KPNA7: variants seen among roughly 807,000 people sequenced by gnomAD.
KPNA7 encodes the protein karyopherin subunit alpha 7, also known as importin subunit alpha-8.
KPNA7 carries 54 observed loss-of-function variants against 53.7 expected under a neutral mutation model. The ratio of observed to expected loss-of-function variants is 1.01; its 90% confidence interval spans 0.81 to 1.26. KPNA7 has a LOEUF of 1.26. KPNA7 is among the 50% of genes most tolerant of loss of function. KPNA7 has a pLI of 0.00. For missense variants in KPNA7, 640 were observed against 644.5 expected, an observed-to-expected ratio of 0.99 and a Z score of 0.07; for synonymous variants, 276 against 259.3, an observed-to-expected ratio of 1.06 and a Z score of -0.62.
At chr7:99,206,320 A>C (rs770842198) in intron 2 of KPNA7, among the ~76,000 whole-genome samples, 1 of 151,774 alleles carries the variant, frequency 6.6e-6, no homozygotes, top group Non-Finnish European at 1.5e-5. Context: ...GCCACCATGC[A>C]CATCTAATTT....
intron 1 of KPNA7, among the ~76,000 whole-genome samples, chr7:99,213,285 C>T (rs1791122848): frequency 6.6e-6 from 1 of 151,678 alleles, no homozygotes; most frequent in South Asian, 2.1e-4. Context: ...CACCACCACA[C>T]CCCCCAGCTA....
chr7:99,213,016 T>C (rs1791116293), upstream of KPNA7, among the ~76,000 whole-genome samples: 2 of 152,032 alleles, frequency 1.3e-5, no homozygotes, highest in Admixed American at 1.3e-4. Context: ...GAACCAAAAT[T>C]TGGGTTTAAA....
At position 99,195,211 on chromosome 7, in the gene KPNA7, G is replaced by C; in HGVS notation, c.412C>G (p.Leu138Val). The change falls in exon 5 of 11, where the codon CTG becomes GTG. Residue 138 changes from leucine (L) to valine (V), a missense_variant. Physicochemically the swap from Leu to Val is conservative, Grantham distance 32. Transcript: ENST00000327442. ...PCLQFEAAWA[L>V]TNIASGTSEQ... is the part of the protein sequence containing the mutation. Reference sequence around the variant, plus strand: ...GAAGTCCCTGAAGCGATGTTGGTCAGGGCCCAGGCAGCCTCAAACTGCAAG... The same window carrying C: ...GAAGTCCCTGAAGCGATGTTGGTCACGGCCCAGGCAGCCTCAAACTGCAAG... 6.4e-7 allele frequency: 1 copy of C among 1,551,642 alleles called. No homozygotes were observed. Among genetic ancestry groups the C allele is most frequent in the Non-Finnish European group, 8.7e-7 (1 of 1,147,004 alleles).
intron 2 of KPNA7, 99 bp downstream of exon 2, chr7:99,207,302 G>C: frequency 1.1e-6 from 1 of 944,470 alleles, no homozygotes; most frequent in Non-Finnish European, 1.7e-6. Flanking sequence ...CAAAGTGTTG[G>C]GATTACAGGC....
In KPNA7 at chr7:99,181,956, A is replaced by G. The variant is rs1290566184; in HGVS notation, c.1244T>C (p.Leu415Pro). ...ATCTGGGGCAGTGAGCAGATTCACC[A>G]GTGGCTCCAGGACCCCAGAGTGGAC... ...QLVHSGVLEP[L>P]VNLLTAPDVK... The change falls in exon 9 of 11, where the codon CTG (leucine) becomes CCG (proline). Residue 415 changes from leucine to proline, a missense_variant. Transcript: ENST00000327442. 56 of 1,551,424 alleles carry G rather than the reference A, an allele frequency of 3.6e-5. No homozygotes were observed. The highest frequency in any genetic ancestry group is 5.2e-6 in the Non-Finnish European group (6 of 1,146,838).
chr7:99,164,443 A>C, the KPNA7 span, among the ~76,000 whole-genome samples: 1 of 152,056 alleles, frequency 6.6e-6, no homozygotes, highest in Non-Finnish European at 1.5e-5. Flanking sequence ...AACAATGAGA[A>C]CACATGGACA....
chr7:99,203,413 T>G (rs962019044), intron 2 of KPNA7, among the ~76,000 whole-genome samples, 173 bp from the exon 3 acceptor site: 3 of 152,214 alleles, frequency 2.0e-5, no homozygotes, highest in African/African-American at 7.2e-5. Context: ...CTCTTCTGTT[T>G]TCTGCTATAC....
At chr7:99,187,413 C>A (rs557911979) in intron 7 of KPNA7, among the ~76,000 whole-genome samples, 1 of 151,544 alleles carries the variant, frequency 6.6e-6, no homozygotes, top group East Asian at 1.9e-4. Flanking sequence ...TTTTTTTAAT[C>A]CCCAGTCTCA....
At chr7:99,181,445 T>G (rs540296194) in intron 9 of KPNA7, among the ~76,000 whole-genome samples, 2 of 152,354 alleles carry the variant, frequency 1.3e-5, no homozygotes, top group Non-Finnish European at 2.9e-5. Flanking sequence ...GACATTTGTT[T>G]GAGAAAACGA....
At chr7:99,180,881 CTGTG>C (rs1341797212) in intron 9 of KPNA7, among the ~76,000 whole-genome samples, 1 of 108,336 alleles carries the variant, frequency 9.2e-6, no homozygotes, top group African/African-American at 4.3e-5. Flanking sequence ...CTCTCCCCGT[CTGTG>C]TCTCTCTCTC....
the KPNA7 span, among the ~76,000 whole-genome samples, chr7:99,161,165 T>G: frequency 6.6e-6 from 1 of 150,734 alleles, no homozygotes; most frequent in Admixed American, 6.6e-5. Context: ...CCTTCTAAGA[T>G]TAGGTTATAA....
intron 1 of KPNA7, among the ~76,000 whole-genome samples, chr7:99,214,064 A>G (rs1791142476): frequency 6.6e-6 from 1 of 152,150 alleles, no homozygotes; most frequent in Admixed American, 6.6e-5. Flanking sequence ...CAGAACCAGG[A>G]CATCAGATTT....
chr7:99,177,930 T>G lies in KPNA7; in HGVS notation c.1454A>C (p.His485Pro). 6.4e-7 allele frequency: 1 copy of G among 1,551,904 alleles called. No individual in the cohort carries two copies. The highest frequency in any genetic ancestry group is 8.7e-7 in the Non-Finnish European group (1 of 1,147,016). Residue 485 changes from histidine to proline, a missense_variant, in exon 10 of 11, where the codon CAC becomes CCC. Transcript: ENST00000327442. ...TCCTAAGTCACTTACCTCACCAAAGTGCTTCTCGATGATGTTCAAAGCCGA... is the reference window on the plus strand; with the variant it reads ...TCCTAAGTCACTTACCTCACCAAAGGGCTTCTCGATGATGTTCAAAGCCGA... ...GQSALNIIEKHFGEEEDESQT... is the reference protein window; with the variant it reads ...GQSALNIIEKPFGEEEDESQT...
Position 99,203,144 on chromosome 7 carries a change from G to C in KPNA7, c.163C>G (p.Pro55Ala), listed in dbSNP as rs1222676173. 4.5e-6 allele frequency: 7 copies of C among 1,551,478 alleles called. No individual in the cohort carries two copies. The highest frequency in any genetic ancestry group is 2.0e-5 in the Admixed American group (1 of 50,958). The change falls in exon 3 of 11, where the codon CCT (proline) becomes GCT (alanine). Residue 55 changes from proline to alanine, a missense_variant. By Grantham distance (27) the Pro-to-Ala change is conservative. Transcript: ENST00000327442. ...GCTGTTTTTTCAGAAGGTGTGTCAG[G>C]GCAGAAGCTCGTGATATTCCTTCTC... ...LKRRNITSFC[P>A]DTPSEKTAKG... is the part of the protein sequence containing the mutation.
At chr7:99,204,558 T>C (rs1386137407) in intron 2 of KPNA7, among the ~76,000 whole-genome samples, 1 of 152,188 alleles carries the variant, frequency 6.6e-6, no homozygotes, top group Non-Finnish European at 1.5e-5. Context: ...TTTTGGTTCT[T>C]TAAGCTACTT....
intron 5 of KPNA7, 32 bp downstream of exon 5, chr7:99,195,038 G>A (rs770289759): frequency 2.6e-5 from 40 of 1,546,312 alleles, no homozygotes; most frequent in Non-Finnish European, 3.1e-5. Flanking sequence ...ACCTGGCCCC[G>A]TTTTCTTAGC....
chr7:99,167,870 G>A, the KPNA7 span, among the ~76,000 whole-genome samples: 1 of 151,854 alleles, frequency 6.6e-6, no homozygotes, highest in Non-Finnish European at 1.5e-5. Context: ...CAAGCTCAGG[G>A]CTCCCACTGA....
In KPNA7 at chr7:99,177,842, G is replaced by A. The variant is rs28438907; in HGVS notation, c.1464+78C>T. 4.5e-3 allele frequency: 6,649 copies of A among 1,463,402 alleles called. 221 individuals carry two copies. The African/African-American group carries it at 0.082, about 18-fold the overall frequency. 90.7% of individuals were successfully genotyped at this position (1,463,402 alleles called of 1,614,324 possible). A position where few individuals can be genotyped will look rare whatever the true frequency, so the allele number is the denominator to read the frequency against. On this transcript the variant is annotated intron_variant, in intron 10 of 10. Coordinates refer to ENST00000327442, the MANE Select transcript of KPNA7 (RefSeq NM_001145715.3). ...GTCACCTGCCACACGCAACAGCCCA[G>A]GCCCCGGCAGGGTGACCCTCTGCAG...
the KPNA7 span, among the ~76,000 whole-genome samples, chr7:99,154,656 G>A: frequency 1.5e-4 from 23 of 151,930 alleles, no homozygotes; most frequent in African/African-American, 5.5e-4. Context: ...CTGAGTAGCT[G>A]GGATTACAGA....
Sources: allele counts gnomAD v4.1 joint callset (sites outside exome capture counted in the v4.1 genomes callset), GRCh38; gene constraint gnomAD v4.1.1; transcripts MANE v1.5; gene names NCBI Gene and HGNC (gene_info 2026-07-23, HGNC 2026-07-21).